Variants in GRIA1 observed in about 807,000 individuals in gnomAD.
GRIA1 encodes the protein glutamate receptor 1.
Under a neutral mutation model 99.2 loss-of-function variants are expected in GRIA1, and 31 were observed. The observed-to-expected ratio is 0.31, with a 90% CI of 0.23 to 0.42. The LOEUF (loss-of-function observed/expected upper bound fraction) is 0.42, where lower values mean the gene tolerates loss of function less well. Among genes scored for constraint, GRIA1 ranks in the 10% least tolerant of loss-of-function variants. The pLI is 1.00. For missense variants in GRIA1, 782 were observed against 1,157.5 expected, an observed-to-expected ratio of 0.68 and a Z score of 4.71; for synonymous variants, 438 against 432.4, an observed-to-expected ratio of 1.01 and a Z score of -0.16.
At chr5:153,590,591 C>G (rs1763883710) in intron 2 of GRIA1, among the ~76,000 whole-genome samples, 3 of 150,788 alleles carry the variant, frequency 2.0e-5, no homozygotes, top group African/African-American at 7.3e-5. Flanking sequence ...CTTTGGAGAT[C>G]TTTTTCCTAC....
At chr5:153,671,957 G>A (rs1272737258) in intron 5 of GRIA1, among the ~76,000 whole-genome samples, 2 of 152,190 alleles carry the variant, frequency 1.3e-5, no homozygotes, top group East Asian at 1.9e-4. Context: ...AGACTGGATA[G>A]GGTGCTGGGG....
chr5:153,677,962 G>T (rs1167792588), intron 7 of GRIA1, among the ~76,000 whole-genome samples: 1 of 152,160 alleles, frequency 6.6e-6, no homozygotes, highest in Non-Finnish European at 1.5e-5. Flanking sequence ...TTGTTCTGAT[G>T]CCTCCTGCTA....
chr5:153,572,787 GCTT>G lies in GRIA1; in HGVS notation c.221-74133_221-74131del, dbSNP rs1324994712. Among the ~76,000 whole-genome samples the G allele has an allele frequency of 4.6e-5, 7 of 152,346 alleles. No homozygotes were observed. In the East Asian group the frequency reaches 1.2e-3, roughly 25 times the overall value. On this transcript the variant is annotated intron_variant, in intron 2 of 15. Coordinates refer to ENST00000285900, the MANE Select transcript of GRIA1 (RefSeq NM_000827.4). ...GAATGCCCAGAGCTTTGAAGAGGCT[GCTT>G]CTTCTTCAAAGCTGTGTTCCAGCAG...
At chr5:153,502,976 A>T (rs1301596385) in intron 2 of GRIA1, among the ~76,000 whole-genome samples, 5 of 152,204 alleles carry the variant, frequency 3.3e-5, no homozygotes, top group African/African-American at 1.2e-4. Flanking sequence ...GATTTATCTT[A>T]CTGTCTTATA....
At chr5:153,610,263 A>G (rs559669509) in intron 2 of GRIA1, among the ~76,000 whole-genome samples, 31 of 152,316 alleles carry the variant, frequency 2.0e-4, no homozygotes, top group African/African-American at 7.5e-4. Flanking sequence ...CAGCATAAGG[A>G]GTGTTAATGC....
At chr5:153,493,782 C>T in intron 1 of GRIA1, 146 bp from the exon 2 acceptor site, 1 of 744,936 alleles carries the variant, frequency 1.3e-6, no homozygotes, top group Non-Finnish European at 2.2e-6. Flanking sequence ...TCCAGTTAAG[C>T]CTATTTGAAC....
rs139899713 is a variant in GRIA1, at chr5:153,629,850, C to T, written c.221-17078C>T. On this transcript the variant is annotated intron_variant, in intron 2 of 15. Coordinates refer to ENST00000285900, the MANE Select transcript of GRIA1 (RefSeq NM_000827.4). The stretch of plus-strand genomic sequence containing the variant: ...AGTGGCTCATAAGTGTGTCTTTCAT[C>T]GCATTGGAATGACCCTCTTAGAGGC... 3.9e-5 allele frequency among the ~76,000 whole-genome samples: 6 copies of T among 152,280 alleles called. No homozygotes were observed. The South Asian group carries it at 6.2e-4, about 16-fold the overall frequency.
chr5:153,633,505 C>T (rs1753123178), intron 2 of GRIA1, among the ~76,000 whole-genome samples: 2 of 151,948 alleles, frequency 1.3e-5, no homozygotes, highest in African/African-American at 4.8e-5. Context: ...AGCATCTTGG[C>T]AGAGAAGGCA....
intron 2 of GRIA1, among the ~76,000 whole-genome samples, chr5:153,495,009 C>A (rs1754272354): frequency 6.6e-6 from 1 of 152,108 alleles, no homozygotes; most frequent in African/African-American, 2.4e-5. Flanking sequence ...GACCATATTT[C>A]CTTTGTGTCT....
intron 7 of GRIA1, among the ~76,000 whole-genome samples, chr5:153,682,046 A>T (rs1163780611): frequency 6.6e-6 from 1 of 152,086 alleles, no homozygotes; most frequent in Admixed American, 6.6e-5. Context: ...CAAAAAAAAA[A>T]AAAAGCATCA....
chr5:153,782,847 A>C (rs1434160867), intron 13 of GRIA1, among the ~76,000 whole-genome samples: 1 of 152,186 alleles, frequency 6.6e-6, no homozygotes, highest in Non-Finnish European at 1.5e-5. Context: ...AGGGTGATTC[A>C]TGCATTCTTT....
At chr5:153,588,375 T>A (rs989773479) in intron 2 of GRIA1, among the ~76,000 whole-genome samples, 2 of 152,144 alleles carry the variant, frequency 1.3e-5, no homozygotes, top group Admixed American at 6.5e-5. Context: ...ACTCCTCTAC[T>A]CCAAAAAATG....
At chr5:153,696,033 A>C (rs1207255948) in intron 8 of GRIA1, among the ~76,000 whole-genome samples, 1 of 152,152 alleles carries the variant, frequency 6.6e-6, no homozygotes, top group Non-Finnish European at 1.5e-5. Flanking sequence ...ACACACAAAC[A>C]GCTAGACCCA....
intron 1 of GRIA1, chr5:153,491,260 G>C (rs1287418673): frequency 7.5e-7 from 1 of 1,336,132 alleles, no homozygotes; most frequent in African/African-American, 1.5e-5. Flanking sequence ...AAAAAATCAG[G>C]CTGGAAAGGG....
intron 11 of GRIA1, among the ~76,000 whole-genome samples, chr5:153,746,880 A>G (rs1210598111): frequency 1.3e-5 from 2 of 152,154 alleles, no homozygotes; most frequent in Non-Finnish European, 2.9e-5. Flanking sequence ...GAGAAGGTAA[A>G]TCTCGAGAAA....
In GRIA1 at chr5:153,666,582, G is replaced by A. The variant is rs536532624; in HGVS notation, c.700-7918G>A. 3.4e-4 allele frequency among the ~76,000 whole-genome samples: 52 copies of A among 152,286 alleles called. 1 individual carries two copies. Among genetic ancestry groups the A allele is most frequent in the Non-Finnish European group, 5.9e-4 (40 of 68,012 alleles). Reference sequence around the variant, plus strand: ...TACAGTGGTTAGAAAACAAGTCCTAGAGTCTTTTTACTTGTTGGTCTCTGT... The same window carrying A: ...TACAGTGGTTAGAAAACAAGTCCTAAAGTCTTTTTACTTGTTGGTCTCTGT... On this transcript the variant is annotated intron_variant, in intron 5 of 15. Coordinates refer to ENST00000285900, the MANE Select transcript of GRIA1 (RefSeq NM_000827.4).
At chr5:153,656,383 T>TATATATATATA (rs1754951606) in intron 5 of GRIA1, among the ~76,000 whole-genome samples, 1 of 92,680 alleles carries the variant, frequency 1.1e-5, no homozygotes, top group South Asian at 3.4e-4. Context: ...ATAAGTTTGT[T>TATATATATATA]TATATATATA....
intron 2 of GRIA1, among the ~76,000 whole-genome samples, chr5:153,506,556 C>T (rs941851273): frequency 2.6e-5 from 4 of 152,076 alleles, no homozygotes; most frequent in African/African-American, 4.8e-5. Flanking sequence ...AAAGGAGTCT[C>T]CCTTGAGCAA....
intron 2 of GRIA1, among the ~76,000 whole-genome samples, chr5:153,561,487 T>TGTA (rs1217911146): frequency 6.6e-6 from 1 of 152,166 alleles, no homozygotes; most frequent in Non-Finnish European, 1.5e-5. Context: ...GTCAGGAAGC[T>TGTA]GTAACTTGTA....
Sources: allele counts gnomAD v4.1 joint callset (sites outside exome capture counted in the v4.1 genomes callset), GRCh38; gene constraint gnomAD v4.1.1; transcripts MANE v1.5; gene names NCBI Gene and HGNC (gene_info 2026-07-23, HGNC 2026-07-21).